EYS: variants seen among roughly 807,000 people sequenced by gnomAD.
The protein encoded by EYS is protein eyes shut homolog.
In EYS, 250 loss-of-function variants were observed where a neutral mutation model predicts 282.1. The ratio of observed to expected loss-of-function variants is 0.89; its 90% CI spans 0.80 to 0.98. The LOEUF is 0.98. Ranked by LOEUF, EYS falls within the 50% of genes least tolerant of loss-of-function variation. The probability of loss-of-function intolerance (pLI) is 0.00; values close to 1 mark genes in which losing one functional copy is unlikely to be tolerated. For missense variants in EYS, 4,016 were observed against 3,709.0 expected, an observed-to-expected ratio of 1.08 and a Z score of -2.15; for synonymous variants, 1,355 against 1,282.9, an observed-to-expected ratio of 1.06 and a Z score of -1.20.
intron 12 of EYS, among the ~76,000 whole-genome samples, chr6:65,200,699 C>T (rs1765878877): frequency 6.8e-6 from 1 of 148,072 alleles, no homozygotes; most frequent in East Asian, 1.9e-4. Flanking sequence ...TGAGTATTGT[C>T]ATCCCTCTGT....
chr6:64,404,380 A>AGTGTGTGT (rs59373630), intron 28 of EYS, among the ~76,000 whole-genome samples: 1 of 93,700 alleles, frequency 1.1e-5, no homozygotes, highest in Non-Finnish European at 2.5e-5. Context: ...AGAGTGTGAG[A>AGTGTGTGT]GTGTGTGTGT....
chr6:65,163,938 C>A (rs1764909467), intron 12 of EYS, among the ~76,000 whole-genome samples: 1 of 151,188 alleles, frequency 6.6e-6, no homozygotes, highest in Non-Finnish European at 1.5e-5. Context: ...TGGCACTCTG[C>A]ACAAGTTTGC....
At chr6:64,104,650 G>T (rs1772944612) in intron 31 of EYS, among the ~76,000 whole-genome samples, 1 of 151,272 alleles carries the variant, frequency 6.6e-6, no homozygotes. Flanking sequence ...GAGCTTAGAA[G>T]TCAGCTACTT....
At chr6:64,205,208 T>A (rs1016145319) in intron 31 of EYS, among the ~76,000 whole-genome samples, 6 of 152,172 alleles carry the variant, frequency 3.9e-5, no homozygotes, top group African/African-American at 9.6e-5. Flanking sequence ...ACCAAAAAAA[T>A]TTGCATAATT....
At chr6:65,153,409 GTGTGTT>G (rs1229161283) in intron 12 of EYS, among the ~76,000 whole-genome samples, 7 of 133,878 alleles carry the variant, frequency 5.2e-5, no homozygotes, top group African/African-American at 2.0e-4. Flanking sequence ...GTGTGTGTGT[GTGTGTT>G]AACCACTAAA....
chr6:64,663,975 G>T (rs9345359), intron 22 of EYS, among the ~76,000 whole-genome samples: 89,884 of 152,018 alleles, frequency 0.59, 26,780 homozygotes, highest in South Asian at 0.66. Context: ...CGAGCCTCTA[G>T]CCCGATCAGG....
intron 29 of EYS, among the ~76,000 whole-genome samples, chr6:64,387,643 T>A (rs139976114): frequency 0.037 from 5,618 of 152,226 alleles, 333 homozygotes; most frequent in African/African-American, 0.13. Flanking sequence ...TTTTTTACTA[T>A]CATGGAACTT....
rs1399672494 is a variant in EYS, at chr6:64,475,719, C to G, written c.5645-36367G>C. ...TAAACACCCAAAGCCTTAACTTCCTCTTTTTTAAAATGGTAAAAGGAATAA... is the reference window on the plus strand; with the variant it reads ...TAAACACCCAAAGCCTTAACTTCCTGTTTTTTAAAATGGTAAAAGGAATAA... On this transcript the variant is annotated intron_variant, in intron 26 of 42. Transcript: ENST00000503581. Among the ~76,000 whole-genome samples the G allele has an allele frequency of 3.2e-5, 4 of 125,210 alleles. No individual in the cohort carries two copies. In the East Asian group the frequency reaches 9.4e-4, roughly 29 times the overall value. The allele number at this position is 125,210 out of a possible 152,430, so 82.1% of individuals were successfully genotyped here.
intron 8 of EYS, among the ~76,000 whole-genome samples, chr6:65,360,067 C>T (rs571705062): frequency 1.1e-4 from 16 of 151,972 alleles, no homozygotes; most frequent in Middle Eastern, 3.4e-3. Context: ...TTAATTGACA[C>T]ATAAGAACTA....
In EYS at chr6:64,945,929, A is replaced by T; in HGVS notation, c.2260-15T>A. 1.3e-6 allele frequency: 2 copies of T among 1,534,264 alleles called. No individual in the cohort carries two copies. Among genetic ancestry groups the T allele is most frequent in the Non-Finnish European group, 1.8e-6 (2 of 1,135,792 alleles). On this transcript the variant is annotated splice_polypyrimidine_tract_variant and intron_variant, in intron 14 of 42. Transcript: ENST00000503581. The stretch of plus-strand genomic sequence containing the variant: ...CACTGGTAGCTCTAAGAGAATATGA[A>T]ATTATATATTTTTAGGCTATTTCTT...
chr6:64,645,143 T>C (rs1045068201), intron 22 of EYS, among the ~76,000 whole-genome samples: 10 of 152,198 alleles, frequency 6.6e-5, no homozygotes, highest in African/African-American at 1.7e-4. Flanking sequence ...ACCAGACTAA[T>C]AGAAAGTTTT....
At chr6:65,301,749 T>C (rs1184113593) in intron 11 of EYS, among the ~76,000 whole-genome samples, 2 of 152,230 alleles carry the variant, frequency 1.3e-5, no homozygotes, top group African/African-American at 2.4e-5. Flanking sequence ...CCTTGTAGGA[T>C]TGGTGAAACC....
chr6:65,153,441 T>C (rs2150216760), intron 12 of EYS, among the ~76,000 whole-genome samples: 1 of 150,376 alleles, frequency 6.6e-6, no homozygotes, highest in East Asian at 2.0e-4. Context: ...GGTAATATTT[T>C]TGTGCAGCAA....
chr6:65,203,423 A>T (rs1472299056), intron 12 of EYS, among the ~76,000 whole-genome samples: 5 of 152,002 alleles, frequency 3.3e-5, no homozygotes, highest in Non-Finnish European at 7.4e-5. Flanking sequence ...CACAACCCAC[A>T]AAAAAACTAG....
intron 22 of EYS, among the ~76,000 whole-genome samples, chr6:64,766,650 ATATAT>A (rs1366850519): frequency 0.015 from 404 of 27,642 alleles, 60 homozygotes; most frequent in South Asian, 0.068. Context: ...AAAAAAAAAA[ATATAT>A]ATATATATAT....
At chr6:65,637,726 G>A (rs1767139454) in intron 2 of EYS, among the ~76,000 whole-genome samples, 1 of 152,102 alleles carries the variant, frequency 6.6e-6, no homozygotes, top group Admixed American at 6.6e-5. Context: ...ACAAGTGTGC[G>A]GGCACTCGGG....
intron 26 of EYS, among the ~76,000 whole-genome samples, chr6:64,553,021 A>C (rs539906264): frequency 6.9e-6 from 1 of 144,560 alleles, no homozygotes; most frequent in East Asian, 2.1e-4. Context: ...GACTTTCTGT[A>C]CAGATTCAAT....
intron 35 of EYS, among the ~76,000 whole-genome samples, chr6:63,921,417 G>T (rs1266375861): frequency 6.6e-6 from 1 of 152,210 alleles, no homozygotes; most frequent in African/African-American, 2.4e-5. Flanking sequence ...TTGCATTTCT[G>T]CATGTCATTA....
chr6:64,259,319 A>G (rs1767504960), intron 30 of EYS, among the ~76,000 whole-genome samples: 1 of 152,068 alleles, frequency 6.6e-6, no homozygotes, highest in South Asian at 2.1e-4. Context: ...CTAAACATTT[A>G]GATAGGCTTC....
Sources: allele counts gnomAD v4.1 joint callset (sites outside exome capture counted in the v4.1 genomes callset), GRCh38; gene constraint gnomAD v4.1.1; transcripts MANE v1.5; gene names NCBI Gene and HGNC (gene_info 2026-07-23, HGNC 2026-07-21).